ASCC3: variants seen among roughly 807,000 people sequenced by gnomAD.
ASCC3 encodes ASC-1 complex subunit P200.
ASCC3 carries 158 observed loss-of-function variants against 256.3 expected under a neutral mutation model. The ratio of observed to expected loss-of-function variants is 0.62; its 90% CI spans 0.54 to 0.70. The LOEUF (loss-of-function observed/expected upper bound fraction) is 0.70, where lower values mean the gene tolerates loss of function less well. Among genes scored for constraint, ASCC3 ranks in the 30% least tolerant of loss-of-function variants. ASCC3 has a pLI of 0.00. For missense variants in ASCC3, 2,259 were observed against 2,626.0 expected (o/e 0.86, Z 3.05); for synonymous variants, 948 against 883.4 (o/e 1.07, Z -1.30).
intron 36 of ASCC3, among the ~76,000 whole-genome samples, chr6:100,548,947 G>A (rs1219171423): frequency 6.6e-6 from 1 of 151,892 alleles, no homozygotes; most frequent in Non-Finnish European, 1.5e-5. Context: ...ATTAGGTAGA[G>A]TAAGAGATGA....
chr6:100,513,019 T>C (rs1290705728), intron 39 of ASCC3, 101 bp from the exon 40 acceptor site: 7 of 1,031,414 alleles, frequency 6.8e-6, no homozygotes, highest in Non-Finnish European at 1.0e-5. Flanking sequence ...AACCTTTTAA[T>C]GTTGAGATTA....
chr6:100,667,487 G>A lies in ASCC3; in HGVS notation c.2287-4951C>T, dbSNP rs182333247. ...TAAGCAGTATCAGATTTGTTCTTTA[G>A]AGAGGTAACTTCACAGTTGTGCTAA... On this transcript the variant is annotated intron_variant, in intron 14 of 41. Coordinates refer to ENST00000369162, the MANE Select transcript of ASCC3 (RefSeq NM_006828.4). 3.3e-5 allele frequency among the ~76,000 whole-genome samples: 5 copies of A among 152,232 alleles called. No individual in the cohort carries two copies. The East Asian group carries it at 9.6e-4, about 29-fold the overall frequency.
chr6:100,836,093 T>C (rs1267953549), intron 4 of ASCC3, among the ~76,000 whole-genome samples: 1 of 152,160 alleles, frequency 6.6e-6, no homozygotes, highest in Non-Finnish European at 1.5e-5. Flanking sequence ...CTGATTTTTG[T>C]ATGTTGATTT....
intron 5 of ASCC3, among the ~76,000 whole-genome samples, chr6:100,802,536 A>G (rs1190325246): frequency 6.6e-6 from 1 of 152,152 alleles, no homozygotes; most frequent in Non-Finnish European, 1.5e-5. Context: ...CTTTATAGCA[A>G]TGTGAGAATA....
At chr6:100,801,392 C>CA (rs1376246421) in intron 5 of ASCC3, among the ~76,000 whole-genome samples, 1 of 152,034 alleles carries the variant, frequency 6.6e-6, no homozygotes, top group Non-Finnish European at 1.5e-5. Context: ...TCTGACAAAG[C>CA]ACAGTGCAAA....
At chr6:100,587,480 G>A (rs1023050462) in intron 36 of ASCC3, among the ~76,000 whole-genome samples, 4 of 152,122 alleles carry the variant, frequency 2.6e-5, no homozygotes, top group Non-Finnish European at 2.9e-5. Flanking sequence ...TGATACCTAC[G>A]TATCTCCTTG....
intron 4 of ASCC3, among the ~76,000 whole-genome samples, chr6:100,814,981 G>T (rs1205951008): frequency 6.6e-6 from 1 of 151,474 alleles, no homozygotes; most frequent in Non-Finnish European, 1.5e-5. Context: ...CCTAGTTTTG[G>T]GGGTTGGTTT....
intron 35 of ASCC3, 48 bp from the exon 36 acceptor site, chr6:100,589,816 T>C (rs1052377685): frequency 6.2e-7 from 1 of 1,609,100 alleles, no homozygotes; most frequent in Non-Finnish European, 8.5e-7. Flanking sequence ...AGTACATATC[T>C]TTATAAAATT....
intron 3 of ASCC3, among the ~76,000 whole-genome samples, chr6:100,863,536 A>G (rs746593569): frequency 4.2e-4 from 64 of 152,160 alleles, no homozygotes; most frequent in Middle Eastern, 3.2e-3. Context: ...CATGCTAGAT[A>G]GTATTATAAT....
intron 1 of ASCC3, among the ~76,000 whole-genome samples, chr6:100,873,060 A>C (rs879782620): frequency 6.6e-6 from 1 of 152,212 alleles, no homozygotes; most frequent in Non-Finnish European, 1.5e-5. Context: ...TACCTGAAAA[A>C]GAATTCAGAA....
intron 7 of ASCC3, 74 bp downstream of exon 7, chr6:100,799,356 GA>G: frequency 2.6e-6 from 4 of 1,536,720 alleles, no homozygotes; most frequent in Non-Finnish European, 3.6e-6. Context: ...ACTCACGAAG[GA>G]ACAGGGAAAA....
intron 10 of ASCC3, among the ~76,000 whole-genome samples, chr6:100,745,820 A>G (rs1285894149): frequency 2.0e-5 from 3 of 152,160 alleles, no homozygotes; most frequent in African/African-American, 7.2e-5. Flanking sequence ...TCCTAGTTTA[A>G]TAAATGAGGG....
intron 10 of ASCC3, among the ~76,000 whole-genome samples, chr6:100,756,220 T>C (rs943717459): frequency 6.6e-6 from 1 of 151,952 alleles, no homozygotes; most frequent in Non-Finnish European, 1.5e-5. Context: ...AAAAAAAAAC[T>C]TCTTTGTACG....
chr6:100,673,692 T>C (rs1178667437), intron 14 of ASCC3, among the ~76,000 whole-genome samples: 2 of 152,200 alleles, frequency 1.3e-5, no homozygotes, highest in East Asian at 3.8e-4. Context: ...ACAATGTCCC[T>C]TGATTGGAAG....
At chr6:100,788,991 G>T (rs1432279135) in intron 8 of ASCC3, among the ~76,000 whole-genome samples, 1 of 151,546 alleles carries the variant, frequency 6.6e-6, no homozygotes, top group African/African-American at 2.4e-5. Flanking sequence ...CCCCCAAAAG[G>T]GTGTATTTTA....
chr6:100,723,121 T>C (rs1397077610), intron 11 of ASCC3, among the ~76,000 whole-genome samples: 1 of 151,754 alleles, frequency 6.6e-6, no homozygotes, highest in Non-Finnish European at 1.5e-5. Flanking sequence ...AACAGAAATG[T>C]CTCATACTGA....
chr6:100,574,176 CG>C (rs1364604515), intron 36 of ASCC3, among the ~76,000 whole-genome samples: 1 of 152,126 alleles, frequency 6.6e-6, no homozygotes, highest in Non-Finnish European at 1.5e-5. Context: ...GTATTCCCCA[CG>C]TGCACTGACT....
At chr6:100,781,624 G>A (rs1290485578) in intron 8 of ASCC3, among the ~76,000 whole-genome samples, 6 of 150,268 alleles carry the variant, frequency 4.0e-5, no homozygotes, top group East Asian at 3.9e-4. Flanking sequence ...TCCTGACCTC[G>A]TGATCTACCT....
Position 100,725,583 on chromosome 6 carries a change from T to TA in ASCC3, c.1857dup (p.Arg620Ter). On this transcript the variant is annotated frameshift_variant, in exon 11 of 42. Transcript: ENST00000369162. LOFTEE classifies it high-confidence loss of function. ...ACTATGCTTTCTAATACTGGTCCTCTATCTTCATGCAGCAAATGAACTTCA... is the reference window on the plus strand; with the variant it reads ...ACTATGCTTTCTAATACTGGTCCTCTAATCTTCATGCAGCAAATGAACTTCA... 1 of 1,612,862 alleles carries TA rather than the reference T, an allele frequency of 6.2e-7. No homozygotes were observed. Among genetic ancestry groups the TA allele is most frequent in the Non-Finnish European group, 8.5e-7 (1 of 1,179,146 alleles).
Sources: gnomAD v4.1 joint callset for allele counts (sites outside exome capture counted in the v4.1 genomes callset) on GRCh38, gnomAD v4.1.1 for gene constraint, MANE v1.5 for transcripts, NCBI Gene and HGNC (gene_info 2026-07-23, HGNC 2026-07-21) for gene names.